Variants in SCAI observed in about 807,000 individuals in gnomAD.
SCAI encodes protein SCAI.
A neutral mutation model predicts 92.2 loss-of-function variants in SCAI; 24 were observed. The observed-to-expected ratio is 0.26, with a 90% CI of 0.19 to 0.37. SCAI has a LOEUF of 0.37. Among genes scored for constraint, SCAI ranks in the 10% least tolerant of loss-of-function variants. The probability of loss-of-function intolerance (pLI) is 1.00; values close to 1 mark genes in which losing one functional copy is unlikely to be tolerated. For missense variants in SCAI, 450 were observed against 736.2 expected, an observed-to-expected ratio of 0.61 and a Z score of 4.50; for synonymous variants, 261 against 258.6, an observed-to-expected ratio of 1.01 and a Z score of -0.09.
At chr9:125,043,301 C>A (rs1833365271) in intron 3 of SCAI, among the ~76,000 whole-genome samples, 1 of 152,206 alleles carries the variant, frequency 6.6e-6, no homozygotes, top group Admixed American at 6.5e-5. Flanking sequence ...TGTTTAAACA[C>A]AGAGGACTAT....
chr9:125,088,552 G>A (rs752571398), intron 2 of SCAI, among the ~76,000 whole-genome samples: 2 of 152,128 alleles, frequency 1.3e-5, no homozygotes, highest in Non-Finnish European at 2.9e-5. Context: ...ATAGTACTAT[G>A]AGTCAACTTA....
At chr9:125,010,197 C>T (rs572424702) in intron 9 of SCAI, among the ~76,000 whole-genome samples, 6 of 152,314 alleles carry the variant, frequency 3.9e-5, no homozygotes, top group East Asian at 3.9e-4. Flanking sequence ...GTGGGTGCAG[C>T]GCACCGTGCG....
chr9:125,140,763 T>C (rs900429473), intron 2 of SCAI, among the ~76,000 whole-genome samples: 53 of 150,624 alleles, frequency 3.5e-4, no homozygotes, highest in East Asian at 5.9e-4. Flanking sequence ...AGAGGCTGAA[T>C]TGGCTGGGTG....
chr9:125,106,779 A>C (rs1588227283), intron 2 of SCAI, among the ~76,000 whole-genome samples: 1 of 125,584 alleles, frequency 8.0e-6, no homozygotes, highest in Non-Finnish European at 1.6e-5. Context: ...TACAATCACC[A>C]CTCACTGCAG....
intron 3 of SCAI, among the ~76,000 whole-genome samples, chr9:125,053,278 A>G (rs563939841): frequency 1.3e-5 from 2 of 152,108 alleles, no homozygotes; most frequent in Non-Finnish European, 2.9e-5. Context: ...AGGTTGCAGT[A>G]AGCCAAAATC....
At chr9:125,043,743 C>A (rs1012693480) in intron 3 of SCAI, among the ~76,000 whole-genome samples, 2 of 152,220 alleles carry the variant, frequency 1.3e-5, no homozygotes, top group Non-Finnish European at 2.9e-5. Flanking sequence ...GCCTTAGCCT[C>A]TCAAGTAGCT....
chr9:125,107,538 G>A (rs1834826847), intron 2 of SCAI, among the ~76,000 whole-genome samples: 1 of 152,234 alleles, frequency 6.6e-6, no homozygotes, highest in Non-Finnish European at 1.5e-5. Flanking sequence ...GGCTGAGGTG[G>A]GAGGATAACT....
chr9:125,129,925 G>T (rs1025833622), intron 2 of SCAI, among the ~76,000 whole-genome samples: 1 of 151,044 alleles, frequency 6.6e-6, no homozygotes, highest in Non-Finnish European at 1.5e-5. Context: ...TTGAGATGGA[G>T]TCTTGCTCTG....
chr9:125,025,062 T>G (rs1394450649), intron 6 of SCAI, among the ~76,000 whole-genome samples: 1 of 152,240 alleles, frequency 6.6e-6, no homozygotes, highest in Non-Finnish European at 1.5e-5. Flanking sequence ...GAATACTTCC[T>G]TATTGGTTTT....
chr9:124,985,685 T>G (rs1256623600), intron 14 of SCAI, among the ~76,000 whole-genome samples: 1 of 151,510 alleles, frequency 6.6e-6, no homozygotes, highest in Non-Finnish European at 1.5e-5. Flanking sequence ...CTGACCAACA[T>G]GGAGAAACCC....
In SCAI at chr9:125,099,903, T is replaced by C. The variant is rs1015418985; in HGVS notation, c.98+42730A>G. Among the ~76,000 whole-genome samples the C allele has an allele frequency of 2.0e-5, 3 of 152,272 alleles. No individual in the cohort carries two copies. The East Asian group carries it at 5.8e-4, about 29-fold the overall frequency. On this transcript the variant is annotated intron_variant, in intron 2 of 17. Transcript: ENST00000336505. Reference sequence around the variant, plus strand: ...TATAGCTAAATAATATCCCATTGTATGGATATAACACATTTTGTTTATCTG... The same window carrying C: ...TATAGCTAAATAATATCCCATTGTACGGATATAACACATTTTGTTTATCTG...
At chr9:125,107,587 G>A (rs1274413684) in intron 2 of SCAI, among the ~76,000 whole-genome samples, 1 of 152,078 alleles carries the variant, frequency 6.6e-6, no homozygotes, top group East Asian at 1.9e-4. Flanking sequence ...GCAACATAGT[G>A]AGACTCTGTC....
At chr9:125,138,759 G>C (rs1835601563) in intron 2 of SCAI, among the ~76,000 whole-genome samples, 1 of 152,064 alleles carries the variant, frequency 6.6e-6, no homozygotes, top group Non-Finnish European at 1.5e-5. Context: ...ATGTTGGTCA[G>C]GCTGGTCTCA....
intron 2 of SCAI, among the ~76,000 whole-genome samples, chr9:125,126,957 C>CTCCTTG: frequency 6.6e-6 from 1 of 152,286 alleles, no homozygotes; most frequent in East Asian, 1.9e-4. Flanking sequence ...AAAATATGAA[C>CTCCTTG]TCCTTGAGGA....
In SCAI at chr9:124,945,082, G is replaced by C. The variant is rs1831124053; in HGVS notation, c.*7725C>G. The C allele has an allele frequency of 6.6e-6, 1 of 152,020 alleles. No individual in the cohort carries two copies. The highest frequency in any genetic ancestry group is 1.5e-5 in the Non-Finnish European group (1 of 68,012). The allele number at this position is 152,020 out of a possible 1,614,324, so 9.4% of individuals were successfully genotyped here. ...GATGATTGTCGTAGTAGACAGACTGGAATTGTCCACCAAAATAGGAAATTG... is the reference window on the plus strand; with the variant it reads ...GATGATTGTCGTAGTAGACAGACTGCAATTGTCCACCAAAATAGGAAATTG... On this transcript the variant is annotated 3_prime_UTR_variant, in exon 18 of 18. Coordinates refer to ENST00000336505, the MANE Select transcript of SCAI (RefSeq NM_001144877.3).
chr9:125,088,641 CTAA>C (rs1834368261), intron 2 of SCAI, among the ~76,000 whole-genome samples: 1 of 152,080 alleles, frequency 6.6e-6, no homozygotes, highest in South Asian at 2.1e-4. Flanking sequence ...ACACACCCAC[CTAA>C]TATCTTAATT....
intron 3 of SCAI, among the ~76,000 whole-genome samples, chr9:125,032,663 G>C (rs1240527366): frequency 6.7e-6 from 1 of 150,150 alleles, no homozygotes; most frequent in African/African-American, 2.5e-5. Context: ...GCCCAGGCTG[G>C]AGTGCAGTGG....
At chr9:125,123,854 T>A (rs1835209048) in intron 2 of SCAI, among the ~76,000 whole-genome samples, 1 of 152,182 alleles carries the variant, frequency 6.6e-6, no homozygotes, top group Non-Finnish European at 1.5e-5. Context: ...GTGAGCACCT[T>A]CAACATGCAC....
At chr9:125,105,292 T>A (rs1436485562) in intron 2 of SCAI, among the ~76,000 whole-genome samples, 1 of 152,168 alleles carries the variant, frequency 6.6e-6, no homozygotes, top group Non-Finnish European at 1.5e-5. Context: ...TGAGACCCTG[T>A]CTCTAAAATA....
Sources: gnomAD v4.1 joint callset for allele counts (sites outside exome capture counted in the v4.1 genomes callset) on GRCh38, gnomAD v4.1.1 for gene constraint, MANE v1.5 for transcripts, NCBI Gene and HGNC (gene_info 2026-07-23, HGNC 2026-07-21) for gene names.